Variants in DSCAML1 observed in about 807,000 individuals in gnomAD.
DSCAML1 encodes DS cell adhesion molecule like 1, also known as cell adhesion molecule DSCAML1.
DSCAML1 carries 38 observed loss-of-function variants against 200.5 expected under a neutral mutation model. The ratio of observed to expected loss-of-function variants is 0.19; its 90% CI spans 0.15 to 0.25. The LOEUF (loss-of-function observed/expected upper bound fraction) is 0.25. Among genes scored for constraint, DSCAML1 ranks in the 10% least tolerant of loss-of-function variants. The pLI, the probability that DSCAML1 is intolerant of heterozygous loss-of-function variation, is 1.00. For synonymous variants in DSCAML1, 1,215 were observed against 1,165.0 expected (o/e 1.04, Z -0.87); for missense variants, 2,223 against 2,858.8 (o/e 0.78, Z 5.07).
intron 3 of DSCAML1, among the ~76,000 whole-genome samples, chr11:117,736,073 C>G (rs1388613637): frequency 1.2e-4 from 18 of 152,176 alleles, no homozygotes; most frequent in Admixed American, 1.2e-3. Flanking sequence ...TGCTGCAAAA[C>G]AAATCACCCC....
intron 3 of DSCAML1, among the ~76,000 whole-genome samples, chr11:117,743,003 T>TCATCCGTC (rs1555024947): frequency 1.3e-4 from 20 of 151,006 alleles, no homozygotes; most frequent in Admixed American, 6.6e-4. Flanking sequence ...CACTCCACTT[T>TCATCCGTC]CATCCATCCA....
chr11:117,731,065 A>T (rs2137817499), intron 3 of DSCAML1, among the ~76,000 whole-genome samples: 1 of 152,290 alleles, frequency 6.6e-6, no homozygotes, highest in East Asian at 1.9e-4. Flanking sequence ...TGTAAAATTG[A>T]TTGTGGTGAT....
chr11:117,432,764 T>C (rs2047828299), intron 29 of DSCAML1, among the ~76,000 whole-genome samples: 1 of 143,434 alleles, frequency 7.0e-6, no homozygotes, highest in Non-Finnish European at 1.5e-5. Flanking sequence ...GGATGTGTCA[T>C]GCCTGGCTAT....
intron 3 of DSCAML1, among the ~76,000 whole-genome samples, chr11:117,570,304 A>T (rs962663000): frequency 2.0e-5 from 3 of 152,132 alleles, no homozygotes; most frequent in Non-Finnish European, 2.9e-5. Context: ...TTTCCAAGGA[A>T]TTGCAGTTCT....
chr11:117,556,378 AG>A, intron 3 of DSCAML1, among the ~76,000 whole-genome samples: 1 of 152,270 alleles, frequency 6.6e-6, no homozygotes, highest in South Asian at 2.1e-4. Flanking sequence ...GGGCCACAGA[AG>A]GTTTCTGGAG....
At chr11:117,602,885 G>A (rs780899907) in intron 3 of DSCAML1, among the ~76,000 whole-genome samples, 2 of 152,030 alleles carry the variant, frequency 1.3e-5, no homozygotes, top group Non-Finnish European at 2.9e-5. Context: ...GACCGTTTGA[G>A]CTCAGGAGTT....
At chr11:117,798,563 T>C (rs570095179), upstream of DSCAML1, among the ~76,000 whole-genome samples, 21 of 152,172 alleles carry the variant, frequency 1.4e-4, no homozygotes, top group South Asian at 4.2e-3. Context: ...TTCCAAAACT[T>C]TTTCATCATC....
chr11:117,465,934 A>T (rs1321266811), intron 16 of DSCAML1, among the ~76,000 whole-genome samples: 1 of 152,186 alleles, frequency 6.6e-6, no homozygotes, highest in Non-Finnish European at 1.5e-5. Flanking sequence ...GGCTCTTATA[A>T]CAATAATGGA....
chr11:117,615,818 A>AG (rs1316861996), intron 3 of DSCAML1, among the ~76,000 whole-genome samples: 2 of 152,236 alleles, frequency 1.3e-5, no homozygotes, highest in Non-Finnish European at 2.9e-5. Context: ...GGTTCCCATC[A>AG]GTGGCCCTTG....
chr11:117,484,940 T>G, intron 11 of DSCAML1, among the ~76,000 whole-genome samples: 1 of 111,400 alleles, frequency 9.0e-6, no homozygotes, highest in Non-Finnish European at 1.9e-5. Context: ...TGTGTGTGTG[T>G]GTAAGTGGGG....
chr11:117,478,410 C>T (rs1013196693), intron 14 of DSCAML1, among the ~76,000 whole-genome samples: 2 of 152,160 alleles, frequency 1.3e-5, no homozygotes, highest in African/African-American at 4.8e-5. Flanking sequence ...CTCAGGGAGC[C>T]CTGAGATGTG....
At chr11:117,661,605 G>A (rs142035438) in intron 3 of DSCAML1, among the ~76,000 whole-genome samples, 25 of 152,188 alleles carry the variant, frequency 1.6e-4, no homozygotes, top group African/African-American at 5.8e-4. Context: ...TGCTTAAATC[G>A]TCTTCCTTGT....
chr11:117,802,353 G>A (rs1415162466), intron 1 of DSCAML1, among the ~76,000 whole-genome samples: 1 of 152,080 alleles, frequency 6.6e-6, no homozygotes. Context: ...TAGAATTGTG[G>A]CTATTTAGGC....
chr11:117,816,668 C>T (rs575411415), intron 1 of DSCAML1, among the ~76,000 whole-genome samples: 2 of 152,314 alleles, frequency 1.3e-5, no homozygotes, highest in African/African-American at 4.8e-5. Flanking sequence ...ACACCCCTCA[C>T]GCCCTCCACT....
chr11:117,774,336 C>T (rs1473521856), intron 3 of DSCAML1, among the ~76,000 whole-genome samples: 1 of 152,086 alleles, frequency 6.6e-6, no homozygotes, highest in African/African-American at 2.4e-5. Flanking sequence ...CATTCCATAC[C>T]AGAAACACAC....
At chr11:117,555,951 CG>C (rs921345853) in intron 3 of DSCAML1, among the ~76,000 whole-genome samples, 2 of 35,392 alleles carry the variant, frequency 5.7e-5, no homozygotes, top group African/African-American at 2.2e-4. Context: ...TGAGGAGGGG[CG>C]GGGGAGGAGG....
At position 117,617,651 on chromosome 11, in the gene DSCAML1, C is replaced by T. The variant is rs982054954; in HGVS notation, c.512-85129G>A. Among the ~76,000 whole-genome samples, 11 of 151,380 alleles carry T rather than the reference C, an allele frequency of 7.3e-5. No individual in the cohort carries two copies. In the South Asian group the frequency reaches 2.1e-3, roughly 29 times the overall value. On this transcript the variant is annotated intron_variant, in intron 3 of 32. Coordinates refer to ENST00000651296, the MANE Select transcript of DSCAML1 (RefSeq NM_020693.4). ...AGGAAAAAAACAACAACCCACAACA[C>T]ACTGCCACAAGACAACACACAGGTA...
intron 16 of DSCAML1, among the ~76,000 whole-genome samples, chr11:117,466,232 G>A (rs958668872): frequency 3.9e-5 from 6 of 152,338 alleles, no homozygotes; most frequent in Admixed American, 3.3e-4. Flanking sequence ...AGCAGAATAC[G>A]ATAGTGCAAT....
intron 3 of DSCAML1, among the ~76,000 whole-genome samples, chr11:117,744,745 C>T (rs2054485608): frequency 2.0e-5 from 3 of 152,272 alleles, no homozygotes; most frequent in Admixed American, 6.5e-5. Context: ...GGGGACTCTC[C>T]ATCCAGCATG....
Sources: allele counts gnomAD v4.1 joint callset (sites outside exome capture counted in the v4.1 genomes callset), GRCh38; gene constraint gnomAD v4.1.1; transcripts MANE v1.5; gene names NCBI Gene and HGNC (gene_info 2026-07-23, HGNC 2026-07-21).